SMIM24: variants seen among roughly 807,000 people sequenced by gnomAD.
The protein encoded by SMIM24 is small integral membrane protein 24, also known as MAP17-related dimer.
Under a neutral mutation model 10.8 loss-of-function variants are expected in SMIM24, and 6 were observed. That is an observed-to-expected ratio of 0.55 (90% CI 0.30 to 1.09). SMIM24 has a LOEUF of 1.09. Ranked by LOEUF, SMIM24 falls within the 50% of genes least tolerant of loss-of-function variation. SMIM24 has a pLI of 0.06. For missense variants in SMIM24, 151 were observed against 153.4 expected (o/e 0.98, Z 0.08); for synonymous variants, 71 against 62.4 (o/e 1.14, Z -0.65).
chr19:3,477,044 G>A (rs2082795022), intron 3 of SMIM24, among the ~76,000 whole-genome samples: 1 of 135,816 alleles, frequency 7.4e-6, no homozygotes, highest in Non-Finnish European at 1.6e-5. Context: ...TGGGTGGATG[G>A]ATTGGTGAAT....
In SMIM24 at chr19:3,474,981, C is replaced by A; in HGVS notation, c.255G>T (p.Glu85Asp). Reference protein sequence around the residue: ...LYQDQSEDKREKKEAKEKEEK... With the variant: ...LYQDQSEDKRDKKEAKEKEEK... ...CTTCTTTCTCCTTGGCCTCTTTCTT[C>A]TCTCTCTTGTCTTCACTGTAGGGAT... The change falls in exon 4 of 4, where the codon GAG becomes GAT. Residue 85 changes from glutamate (E) to aspartate (D), a missense_variant. By Grantham distance (45) the Glu-to-Asp change is conservative. Coordinates refer to ENST00000215531, the MANE Select transcript of SMIM24 (RefSeq NM_001136503.2). The A allele has an allele frequency of 6.4e-7, 1 of 1,551,418 alleles. No homozygotes were observed. The highest frequency in any genetic ancestry group is 8.7e-7 in the Non-Finnish European group (1 of 1,146,972).
Position 3,478,546 on chromosome 19 carries a change from C to A in SMIM24, c.180-68G>T, listed in dbSNP as rs574346801. ...AAAGGGGGCGGTAAAGGGAAGGAAG[C>A]GGTGTGACAGCCTCAGCCTCTGTCC... On this transcript the variant is annotated intron_variant, in intron 2 of 3. Coordinates refer to ENST00000215531, the MANE Select transcript of SMIM24 (RefSeq NM_001136503.2). 6.5e-6 allele frequency: 9 copies of A among 1,389,262 alleles called. No homozygotes were observed. The African/African-American group carries it at 1.3e-4, about 20-fold the overall frequency. 86.1% of individuals were successfully genotyped at this position (1,389,262 alleles called of 1,614,324 possible).
chr19:3,478,785 TGTGGGGGCAGCGGG>T lies in SMIM24; in HGVS notation c.179+19_179+32del. The T allele has an allele frequency of 2.9e-6, 3 of 1,034,192 alleles. No homozygotes were observed. The highest frequency in any genetic ancestry group is 3.6e-6 in the Non-Finnish European group (3 of 829,560). 64.1% of individuals were successfully genotyped at this position (1,034,192 alleles called of 1,614,324 possible). On this transcript the variant is annotated intron_variant, in intron 2 of 3. Transcript: ENST00000215531. ...GGGAAGCTGGGGGTGGGGGCAGGGC[TGTGGGGGCAGCGGG>T]GTGGGGGCGGGCACCCACCTGGCCT... is the stretch of plus-strand genomic sequence containing the variant.
At chr19:3,479,639 G>C (rs1324084524) in intron 1 of SMIM24, among the ~76,000 whole-genome samples, 7 of 146,296 alleles carry the variant, frequency 4.8e-5, no homozygotes, top group Non-Finnish European at 7.5e-5. Context: ...GCTCAGGGAG[G>C]GGTCTATAAA....
chr19:3,475,333 A>G (rs894581950), intron 3 of SMIM24, among the ~76,000 whole-genome samples: 2 of 152,124 alleles, frequency 1.3e-5, no homozygotes, highest in Non-Finnish European at 2.9e-5. Flanking sequence ...TTCACACTGC[A>G]TATCATCATT....
intron 3 of SMIM24, 65 bp from the exon 4 acceptor site, chr19:3,475,061 C>G (rs751464931): frequency 3.3e-6 from 5 of 1,501,890 alleles, no homozygotes; most frequent in Admixed American, 2.1e-5. Flanking sequence ...AATGGCCACT[C>G]ACTTGAGCCA....
chr19:3,480,335 A>C, intron 1 of SMIM24, 62 bp downstream of exon 1: 1 of 1,362,412 alleles, frequency 7.3e-7, no homozygotes, highest in East Asian at 2.6e-5. Context: ...AAATTGGGAG[A>C]TGGTGATCAC....
Position 3,478,821 on chromosome 19 carries a change from G to T in SMIM24, c.176C>A (p.Ala59Asp). ...LLANRLWCSK[A>D]RAEDEEETTF... The stretch of plus-strand genomic sequence containing the variant: ...CGGGGTGGGGGCGGGCACCCACCTG[G>T]CCTTGGAACACCAGAGGCGGTTGGC... Residue 59 changes from alanine to aspartate, a missense_variant, in exon 2 of 4, where the codon GCC becomes GAC. Coordinates refer to ENST00000215531, the MANE Select transcript of SMIM24 (RefSeq NM_001136503.2). The T allele has an allele frequency of 6.5e-7, 1 of 1,548,764 alleles. No individual in the cohort carries two copies. Among genetic ancestry groups the T allele is most frequent in the Non-Finnish European group, 8.7e-7 (1 of 1,146,230 alleles).
chr19:3,480,094 T>G (rs1344167097), intron 1 of SMIM24, among the ~76,000 whole-genome samples: 4 of 150,798 alleles, frequency 2.7e-5, no homozygotes, highest in Non-Finnish European at 5.9e-5. Context: ...GGGGAGGGGC[T>G]TGTAAAGGAG....
rs1275052564 is a variant in SMIM24, at chr19:3,475,101, A to G, written c.240-105T>C. Reference sequence around the variant, plus strand: ...ATGTGATGAGTATTTTACAAGCGGTATCTCAGTGAATCTTCAAAATAACCC... The same window carrying G: ...ATGTGATGAGTATTTTACAAGCGGTGTCTCAGTGAATCTTCAAAATAACCC... On this transcript the variant is annotated intron_variant, in intron 3 of 3. Coordinates refer to ENST00000215531, the MANE Select transcript of SMIM24 (RefSeq NM_001136503.2). The G allele has an allele frequency of 5.6e-6, 7 of 1,257,544 alleles. No individual in the cohort carries two copies. The East Asian group carries it at 1.8e-4, about 32-fold the overall frequency. 77.9% of individuals were successfully genotyped at this position (1,257,544 alleles called of 1,614,324 possible). A position where few individuals can be genotyped will look rare whatever the true frequency, so the allele number is the denominator to read the frequency against.
At chr19:3,477,584 G>GGT (rs2082798901) in intron 3 of SMIM24, among the ~76,000 whole-genome samples, 1 of 134,430 alleles carries the variant, frequency 7.4e-6, no homozygotes, top group African/African-American at 2.9e-5. Flanking sequence ...AATGGGTGAT[G>GGT]GATGGGTGAG....
chr19:3,478,371 C>A lies in SMIM24; in HGVS notation c.239+48G>T, dbSNP rs957254872. 1.9e-5 allele frequency: 29 copies of A among 1,511,430 alleles called. No individual in the cohort carries two copies. In the Middle Eastern group the frequency reaches 5.1e-4, roughly 27 times the overall value. 93.6% of individuals were successfully genotyped at this position (1,511,430 alleles called of 1,614,324 possible). A position where few individuals can be genotyped will look rare whatever the true frequency, so the allele number is the denominator to read the frequency against. On this transcript the variant is annotated intron_variant, in intron 3 of 3. Transcript: ENST00000215531. ...TCATCTGCGCACACCCATTCCCCCA[C>A]CCCGAGGAGGGGTTCACACAGACCC...
Position 3,474,915 on chromosome 19 carries a change from C to T in SMIM24, c.321G>A (p.Glu107=), listed in dbSNP as rs565629808. Residue 107 remains glutamate (E), a synonymous_variant, in exon 4 of 4, where the codon GAG becomes GAA. Transcript: ENST00000215531. ...CCTCCAGATCCAGTCCCAAGTTGCTCTCTCCTTCCTTTGCTGTCTTTTTCT... is the reference window on the plus strand; with the variant it reads ...CCTCCAGATCCAGTCCCAAGTTGCTTTCTCCTTCCTTTGCTGTCTTTTTCT... The part of the protein sequence containing the change: ...KKEKKTAKEG[E]SNLGLDLEEK... The T allele has an allele frequency of 6.4e-7, 1 of 1,551,518 alleles. No individual in the cohort carries two copies. The highest frequency in any genetic ancestry group is 1.2e-5 in the South Asian group (1 of 84,046).
intron 1 of SMIM24, 26 bp downstream of exon 1, chr19:3,480,359 CTATCCCGCGACG>C: frequency 2.7e-6 from 4 of 1,457,696 alleles, no homozygotes; most frequent in East Asian, 2.5e-5. Flanking sequence ...ACCAACTCCC[CTATCCCGCGACG>C]CCCCCTCCCG....
chr19:3,477,085 A>G (rs2082795334), intron 3 of SMIM24, among the ~76,000 whole-genome samples: 1 of 82,584 alleles, frequency 1.2e-5, no homozygotes, highest in Admixed American at 1.5e-4. Context: ...GAGTGAATAG[A>G]TGGGTGATGG....
rs2082785061 is a variant in SMIM24 at position 3,474,571 on chromosome 19, G to T, written c.*272C>A. 2 of 452,630 alleles carry T rather than the reference G, an allele frequency of 4.4e-6. No homozygotes were observed. Among genetic ancestry groups the T allele is most frequent in the Non-Finnish European group, 7.9e-6 (2 of 254,636 alleles). The allele number at this position is 452,630 out of a possible 1,614,324, so 28.0% of individuals were successfully genotyped here. Reference sequence around the variant, plus strand: ...TGGAGCCATGAGATCGTGGAGGATTGCGGGTGTCTCCTCAACCAGGGATGC... The same window carrying T: ...TGGAGCCATGAGATCGTGGAGGATTTCGGGTGTCTCCTCAACCAGGGATGC... On this transcript the variant is annotated 3_prime_UTR_variant, in exon 4 of 4. Coordinates refer to ENST00000215531, the MANE Select transcript of SMIM24 (RefSeq NM_001136503.2).
At chr19:3,478,344 G>T in intron 3 of SMIM24, 75 bp downstream of exon 3, 1 of 1,364,878 alleles carries the variant, frequency 7.3e-7, no homozygotes, top group Non-Finnish European at 1.0e-6. Flanking sequence ...AGGACAGCAA[G>T]GTCATCTGCG....
chr19:3,480,152 G>T (rs2082812249), intron 1 of SMIM24, among the ~76,000 whole-genome samples: 1 of 151,180 alleles, frequency 6.6e-6, no homozygotes, highest in East Asian at 2.0e-4. Flanking sequence ...GTTCAGCCAG[G>T]TGTGCTCAGA....
rs183891325 is a variant in SMIM24, at chr19:3,478,616, G to T, written c.180-138C>A. On this transcript the variant is annotated intron_variant, in intron 2 of 3. Coordinates refer to ENST00000215531, the MANE Select transcript of SMIM24 (RefSeq NM_001136503.2). ...CATGAACCCCAGGACGCAAGGAAGG[G>T]CTGGGCTGCCTGGCTCGTTGTCTTG... 2.2e-3 allele frequency: 2,099 copies of T among 946,386 alleles called. 11 individuals are homozygous for T. The highest frequency in any genetic ancestry group is 7.8e-3 in the South Asian group (459 of 59,084). 58.6% of individuals were successfully genotyped at this position (946,386 alleles called of 1,614,324 possible).
Sources: allele counts gnomAD v4.1 joint callset (sites outside exome capture counted in the v4.1 genomes callset), GRCh38; gene constraint gnomAD v4.1.1; transcripts MANE v1.5; gene names NCBI Gene and HGNC (gene_info 2026-07-23, HGNC 2026-07-21).